Variants in ARNT2 observed in about 807,000 individuals in gnomAD.
ARNT2 encodes aryl hydrocarbon receptor nuclear translocator 2, also known as ARNT protein 2.
Under a neutral mutation model 91.7 loss-of-function variants are expected in ARNT2, and 36 were observed. The ratio of observed to expected loss-of-function variants is 0.39; its 90% CI spans 0.30 to 0.52. The LOEUF (loss-of-function observed/expected upper bound fraction) is 0.52. Ranked by LOEUF, ARNT2 falls within the 20% of genes least tolerant of loss-of-function variation. ARNT2 has a pLI of 0.72. For synonymous variants in ARNT2, 365 were observed against 347.1 expected, an observed-to-expected ratio of 1.05 and a Z score of -0.57; for missense variants, 775 against 939.3, an observed-to-expected ratio of 0.83 and a Z score of 2.29.
intron 17 of ARNT2, among the ~76,000 whole-genome samples, chr15:80,588,620 C>T (rs1032516975): frequency 2.6e-5 from 4 of 152,162 alleles, no homozygotes; most frequent in African/African-American, 9.7e-5. Flanking sequence ...TCCTGAGCCA[C>T]CTGTAGATGC....
At chr15:80,474,892 T>A in intron 4 of ARNT2, 118 bp from the exon 5 acceptor site, 1 of 1,062,018 alleles carries the variant, frequency 9.4e-7, no homozygotes, top group Non-Finnish European at 1.4e-6. Context: ...TCCCAAACTA[T>A]TTGTGTACCA....
At chr15:80,429,601 A>G (rs1355163371) in intron 1 of ARNT2, among the ~76,000 whole-genome samples, 1 of 152,230 alleles carries the variant, frequency 6.6e-6, no homozygotes, top group Middle Eastern at 3.2e-3. Flanking sequence ...ATCGAACCTG[A>G]GAAGGGGAGT....
chr15:80,478,911 A>T (rs540233249), intron 5 of ARNT2, among the ~76,000 whole-genome samples: 13 of 152,320 alleles, frequency 8.5e-5, no homozygotes, highest in Admixed American at 2.0e-4. Context: ...CCCTTGACTC[A>T]TGTGGTTTTA....
At chr15:80,505,399 G>A (rs959321919) in intron 5 of ARNT2, among the ~76,000 whole-genome samples, 1 of 152,202 alleles carries the variant, frequency 6.6e-6, no homozygotes, top group Non-Finnish European at 1.5e-5. Context: ...TCAGAGGCAG[G>A]AAGTGCACAG....
intron 4 of ARNT2, among the ~76,000 whole-genome samples, chr15:80,471,579 TAGCCGCGATCAG>T (rs1896732068): frequency 6.6e-6 from 1 of 152,166 alleles, no homozygotes; most frequent in Non-Finnish European, 1.5e-5. Context: ...GTGATAATAG[TAGCCGCGATCAG>T]AGCACTTAGC....
At chr15:80,556,436 G>C (rs1002250394) in intron 11 of ARNT2, 1 of 152,414 alleles carries the variant, frequency 6.6e-6, no homozygotes, top group African/African-American at 2.4e-5. Context: ...AAGACAAGAG[G>C]CTTTAAAATT....
At chr15:80,463,249 G>T (rs1286254506) in intron 3 of ARNT2, among the ~76,000 whole-genome samples, 1 of 152,200 alleles carries the variant, frequency 6.6e-6, no homozygotes, top group East Asian at 1.9e-4. Flanking sequence ...GTTACCATGT[G>T]TGGGACACAC....
At chr15:80,482,514 A>G (rs984829430) in intron 5 of ARNT2, among the ~76,000 whole-genome samples, 1 of 152,222 alleles carries the variant, frequency 6.6e-6, no homozygotes, top group African/African-American at 2.4e-5. Flanking sequence ...GAGGCCAAAC[A>G]GCTGCTACAA....
intron 5 of ARNT2, among the ~76,000 whole-genome samples, chr15:80,494,244 C>T (rs1595985613): frequency 6.6e-6 from 1 of 152,112 alleles, no homozygotes; most frequent in East Asian, 1.9e-4. Flanking sequence ...ATTTTAAGGC[C>T]CCTTTTACTG....
At position 80,563,194 on chromosome 15, in the gene ARNT2, A is replaced by G. The variant is rs1371434647; in HGVS notation, c.1271A>G (p.Tyr424Cys). The G allele has an allele frequency of 3.7e-6, 6 of 1,614,056 alleles. No homozygotes were observed. The highest frequency in any genetic ancestry group is 2.2e-5 in the East Asian group (1 of 44,886). Residue 424 changes from tyrosine to cysteine, a missense_variant, in exon 12 of 19, where the codon TAT (tyrosine) becomes TGT (cysteine). Physicochemically the swap from Tyr to Cys is radical, Grantham distance 194. This residue lies in a region of ARNT2 where 3 missense variants were observed against 18.9 expected (regional missense o/e 0.16). Transcript: ENST00000303329. Reference protein sequence around the residue: ...RTSSFTFQNPYSDEIEYIICT... With the variant: ...RTSSFTFQNPCSDEIEYIICT... ...AGCAGCTTCACATTCCAGAATCCCT[A>G]TTCTGATGAGATTGAGTACATCATC...
At chr15:80,542,825 T>C (rs748065635) in intron 8 of ARNT2, among the ~76,000 whole-genome samples, 4 of 152,292 alleles carry the variant, frequency 2.6e-5, no homozygotes, top group Admixed American at 2.0e-4. Flanking sequence ...GGGTTCTTTA[T>C]GCTGTTTTCT....
intron 8 of ARNT2, among the ~76,000 whole-genome samples, chr15:80,535,875 A>G (rs1327175285): frequency 1.3e-5 from 2 of 152,240 alleles, no homozygotes; most frequent in African/African-American, 4.8e-5. Flanking sequence ...TTTTCAGCCC[A>G]TGTCCCTGTG....
rs949769155 is a variant in ARNT2, at chr15:80,404,760, G to T, written c.31+214G>T. ...GCCCATCCGGTCCCGGGCAGGCGCC[G>T]GTCCGGACCCGCGGGCGGCCGGACG... is the stretch of plus-strand genomic sequence containing the variant. On this transcript the variant is annotated intron_variant, in intron 1 of 18. Transcript: ENST00000303329. The surrounding 1 kb of genome is among the most constrained non-coding windows in gnomAD (Gnocchi z 5.5). 2.0e-5 allele frequency among the ~76,000 whole-genome samples: 3 copies of T among 152,026 alleles called. No homozygotes were observed. Among genetic ancestry groups the T allele is most frequent in the Non-Finnish European group, 2.9e-5 (2 of 67,966 alleles).
At chr15:80,473,139 G>T (rs1022458970) in intron 4 of ARNT2, among the ~76,000 whole-genome samples, 1 of 152,162 alleles carries the variant, frequency 6.6e-6, no homozygotes, top group Non-Finnish European at 1.5e-5. Context: ...CATTGCTGAG[G>T]GCGTGAAGTA....
intron 5 of ARNT2, among the ~76,000 whole-genome samples, chr15:80,502,163 TC>T (rs1897206232): frequency 6.6e-6 from 1 of 152,164 alleles, no homozygotes; most frequent in Non-Finnish European, 1.5e-5. Flanking sequence ...CTCCCTGAAT[TC>T]AAAGAATGGG....
At chr15:80,505,089 AT>A in intron 5 of ARNT2, among the ~76,000 whole-genome samples, 1 of 152,298 alleles carries the variant, frequency 6.6e-6, no homozygotes, top group South Asian at 2.1e-4. Context: ...CAGGAAACAC[AT>A]TTGTCGCTTG....
At chr15:80,409,133 G>A (rs896384382) in intron 1 of ARNT2, among the ~76,000 whole-genome samples, 3 of 152,130 alleles carry the variant, frequency 2.0e-5, no homozygotes, top group Admixed American at 6.5e-5. Context: ...GTTGGTAGAC[G>A]TTCTATGGGT....
intron 5 of ARNT2, among the ~76,000 whole-genome samples, chr15:80,499,879 T>C (rs1897167934): frequency 6.6e-6 from 1 of 152,216 alleles, no homozygotes. Context: ...GAAAGCATTG[T>C]GGTAGAGGAG....
intron 8 of ARNT2, among the ~76,000 whole-genome samples, chr15:80,546,975 CAAACA>C (rs920948512): frequency 3.3e-5 from 5 of 150,700 alleles, no homozygotes; most frequent in African/African-American, 1.2e-4. Flanking sequence ...AAAAAAAAAC[CAAACA>C]AAACAAAACA....
Sources: gnomAD v4.1 joint callset for allele counts (sites outside exome capture counted in the v4.1 genomes callset) on GRCh38, gnomAD v4.1.1 for gene constraint, gnomAD v4.1.1 regional missense constraint, Gnocchi (gnomAD v3.1) non-coding constraint, MANE v1.5 for transcripts, NCBI Gene and HGNC (gene_info 2026-07-23, HGNC 2026-07-21) for gene names.